Variants in ZIC4 observed in about 807,000 individuals in gnomAD.
ZIC4 encodes Zic family zinc finger 4.
In ZIC4, 15 loss-of-function variants were observed where a neutral mutation model predicts 28.8. That is an observed-to-expected ratio of 0.52 (90% CI 0.35 to 0.80). ZIC4 has a LOEUF of 0.80. Ranked by LOEUF, ZIC4 falls within the 30% of genes least tolerant of loss-of-function variation. The pLI, the probability that ZIC4 is intolerant of heterozygous loss-of-function variation, is 0.01. For synonymous variants in ZIC4, 220 were observed against 198.1 expected (o/e 1.11, Z -0.93); for missense variants, 512 against 467.1 (o/e 1.10, Z -0.89).
intron 2 of ZIC4, among the ~76,000 whole-genome samples, chr3:147,398,581 G>C (rs1559963766): frequency 6.6e-6 from 1 of 152,128 alleles, no homozygotes. Flanking sequence ...CAGCTGCGTC[G>C]TCCGGCGATT....
rs777057850 is a variant in ZIC4 at position 147,391,908 on chromosome 3, C to T, written c.689-662G>A. Reference sequence around the variant, plus strand: ...GAAGAGATTTTTACAGGAATGGAGCCCCCTCCCTCTTTCCTTCTACCCCCT... The same window carrying T: ...GAAGAGATTTTTACAGGAATGGAGCTCCCTCCCTCTTTCCTTCTACCCCCT... On this transcript the variant is annotated intron_variant, in intron 3 of 4. Transcript: ENST00000383075. 1,182 of 916,720 alleles carry T rather than the reference C, an allele frequency of 1.3e-3. 3 individuals carry two copies. Among genetic ancestry groups the T allele is most frequent in the Non-Finnish European group, 1.5e-3 (1,113 of 767,392 alleles). 56.8% of individuals were successfully genotyped at this position (916,720 alleles called of 1,614,324 possible).
chr3:147,392,548 T>C (rs956661548), intron 3 of ZIC4: 69 of 596,168 alleles, frequency 1.2e-4, no homozygotes, highest in Admixed American at 8.2e-4. Flanking sequence ...TTTAAACAAA[T>C]GGCTGCCTCC....
rs2086850614 is a variant in ZIC4 at position 147,388,978 on chromosome 3, GA to G, written c.*-120del. ...GGGGAGCTTAGAAACAGAAGACAAA[GA>G]AAAAAGTCCTACTTCAGGAAGGGGG... On this transcript the variant is annotated intron_variant, in intron 4 of 4. Transcript: ENST00000383075. The G allele has an allele frequency of 3.3e-5, 23 of 690,230 alleles. No homozygotes were observed. In the South Asian group the frequency reaches 3.6e-4, roughly 11 times the overall value. 42.8% of individuals were successfully genotyped at this position (690,230 alleles called of 1,614,324 possible). A position where few individuals can be genotyped will look rare whatever the true frequency, so the allele number is the denominator to read the frequency against.
chr3:147,391,652 A>C (rs1237935963), intron 3 of ZIC4: 1 of 163,628 alleles, frequency 6.1e-6, no homozygotes, highest in East Asian at 1.8e-4. Flanking sequence ...GGAAGCTCAC[A>C]TCTGCTCGAT....
chr3:147,402,667 A>AAAG (rs769370243), intron 2 of ZIC4, 61 bp downstream of exon 2: 31 of 1,456,060 alleles, frequency 2.1e-5, no homozygotes, highest in East Asian at 1.6e-4. Context: ...TAAAAAAAAA[A>AAAG]AAGAAGAAGA....
chr3:147,404,047 A>G, intron 1 of ZIC4: 4 of 1,537,184 alleles, frequency 2.6e-6, no homozygotes, highest in Non-Finnish European at 3.5e-6. Context: ...CTTCCAGCAC[A>G]AATCAGGAAA....
rs1230596398 is a variant in ZIC4, at chr3:147,388,094, C to T, written c.*765G>A. 1.3e-5 allele frequency: 2 copies of T among 152,552 alleles called. No homozygotes were observed. The highest frequency in any genetic ancestry group is 1.5e-5 in the Non-Finnish European group (1 of 68,052). 9.4% of individuals were successfully genotyped at this position (152,552 alleles called of 1,614,324 possible). ...TCCCACATCAGGGTGCAGAGTGAACCCCTAAACGTGGGCAAGTCGGGTTCT... is the reference window on the plus strand; with the variant it reads ...TCCCACATCAGGGTGCAGAGTGAACTCCTAAACGTGGGCAAGTCGGGTTCT... On this transcript the variant is annotated 3_prime_UTR_variant, in exon 5 of 5. Transcript: ENST00000383075.
chr3:147,405,367 C>T (rs1253790673), intron 1 of ZIC4: 1 of 1,534,764 alleles, frequency 6.5e-7, no homozygotes, highest in East Asian at 2.4e-5. Flanking sequence ...GCGGGGAAAA[C>T]ATGACCTTGG....
Position 147,388,768 on chromosome 3 carries a change from T to C in ZIC4, c.*91A>G, listed in dbSNP as rs931689813. Reference sequence around the variant, plus strand: ...ATGCACCGTGGCGAAGAAACACTGCTTTGTGCGCGGGCCCTTTGATGTAGC... The same window carrying C: ...ATGCACCGTGGCGAAGAAACACTGCCTTGTGCGCGGGCCCTTTGATGTAGC... On this transcript the variant is annotated 3_prime_UTR_variant, in exon 5 of 5. Transcript: ENST00000383075. 51 of 747,136 alleles carry C rather than the reference T, an allele frequency of 6.8e-5. No individual in the cohort carries two copies. The highest frequency in any genetic ancestry group is 6.9e-5 in the Non-Finnish European group (28 of 405,264). The allele number at this position is 747,136 out of a possible 1,614,324, so 46.3% of individuals were successfully genotyped here.
At position 147,388,663 on chromosome 3, in the gene ZIC4, C is replaced by T. The variant is rs2086842921; in HGVS notation, c.*196G>A. On this transcript the variant is annotated 3_prime_UTR_variant, in exon 5 of 5. Transcript: ENST00000383075. ...AAATATTATGTCCTTAATGAAAAGC[C>T]TGGACGGGCTCCAGGCTTGGCCTTT... 3 of 581,242 alleles carry T rather than the reference C, an allele frequency of 5.2e-6. No homozygotes were observed. The highest frequency in any genetic ancestry group is 9.3e-6 in the Non-Finnish European group (3 of 323,256). 36.0% of individuals were successfully genotyped at this position (581,242 alleles called of 1,614,324 possible). A position where few individuals can be genotyped will look rare whatever the true frequency, so the allele number is the denominator to read the frequency against.
chr3:147,404,406 A>C, intron 1 of ZIC4: 1 of 625,976 alleles, frequency 1.6e-6, no homozygotes, highest in South Asian at 6.1e-5. Flanking sequence ...TTTCCATCAC[A>C]CAGCCTACAC....
In ZIC4 at chr3:147,396,376, G is replaced by A. The variant is rs777969725; in HGVS notation, c.164C>T (p.Pro55Leu). The change falls in exon 3 of 5, where the codon CCC becomes CTC. Residue 55 changes from proline to leucine, a missense_variant. Pro to Leu is a moderately conservative substitution (Grantham distance 98). Transcript: ENST00000383075. This position sits in a 1 kb window ranked among gnomAD's most constrained non-coding sequence, Gnocchi z 4.2. ...GLHEEPPQAS[P>L]SRPLNGLLRL... ...CAGGAGTCCATTCAAAGGACGGCTG[G>A]GGGAGGCCTGGGGAGGCTCCTCGTG... is the stretch of plus-strand genomic sequence containing the variant. The A allele has an allele frequency of 6.5e-7, 1 of 1,531,010 alleles. No individual in the cohort carries two copies. The highest frequency in any genetic ancestry group is 1.3e-5 in the South Asian group (1 of 76,252). The allele number at this position is 1,531,010 out of a possible 1,614,324, so 94.8% of individuals were successfully genotyped here.
chr3:147,404,317 G>T (rs1440571028), intron 1 of ZIC4: 1 of 1,346,882 alleles, frequency 7.4e-7, no homozygotes, highest in African/African-American at 1.5e-5. Flanking sequence ...GTGCACTACA[G>T]ACCCATAGAC....
Position 147,391,069 on chromosome 3 carries a change from C to T in ZIC4, c.866G>A (p.Gly289Glu), listed in dbSNP as rs780784803. The stretch of plus-strand genomic sequence containing the variant: ...GCCAGAGCTGGGCGGCGGCGAGCGC[C>T]CGTGCACCTTCATGTGCTTACGCAG... ...SSLRKHMKVH[G>E]RSPPPSSGYD... Residue 289 changes from glycine to glutamate, a missense_variant, in exon 4 of 5, where the codon GGG (glycine) becomes GAG (glutamate). By Grantham distance (98) the Gly-to-Glu change is moderately conservative (BLOSUM62 -2). Coordinates refer to ENST00000383075, the MANE Select transcript of ZIC4 (RefSeq NM_032153.6). 9.9e-6 allele frequency: 16 copies of T among 1,613,984 alleles called. No individual in the cohort carries two copies. Among genetic ancestry groups the T allele is most frequent in the Non-Finnish European group, 1.4e-5 (16 of 1,180,036 alleles).
At chr3:147,405,742 G>A (rs563426472) in intron 1 of ZIC4, 3 of 521,672 alleles carry the variant, frequency 5.8e-6, no homozygotes, top group South Asian at 4.2e-5. Flanking sequence ...CAGGGTGAGG[G>A]AGGGCAAGGA....
rs1196683432 is a variant in ZIC4, at chr3:147,396,881, AATG to A, written c.71-415_71-413del. ...CCCTGCGGGGAGTGGAGGTGACAGA[AATG>A]ATGATGTTGGAGGTGGTGGTGGTTC... On this transcript the variant is annotated intron_variant, in intron 2 of 4. Transcript: ENST00000383075. The surrounding 1 kb of genome is among the most constrained non-coding windows in gnomAD (Gnocchi z 4.2). 2 of 165,022 alleles carry A rather than the reference AATG, an allele frequency of 1.2e-5. No homozygotes were observed. Among genetic ancestry groups the A allele is most frequent in the African/African-American group, 4.8e-5 (2 of 41,820 alleles). 10.2% of individuals were successfully genotyped at this position (165,022 alleles called of 1,614,324 possible).
At position 147,398,894 on chromosome 3, in the gene ZIC4, T is replaced by A. The variant is rs553286717; in HGVS notation, c.71-2425A>T. The stretch of plus-strand genomic sequence containing the variant: ...AATAAGGCCTTAAAAAATTTTTTTT[T>A]AAAATAATTAACTGATGTATAACAG... On this transcript the variant is annotated intron_variant, in intron 2 of 4. Transcript: ENST00000383075. Among the ~76,000 whole-genome samples the A allele has an allele frequency of 4.8e-4, 73 of 152,180 alleles. 1 individual carries two copies. The highest frequency in any genetic ancestry group is 1.9e-3 in the South Asian group (9 of 4,812).
chr3:147,402,101 C>T lies in ZIC4; in HGVS notation c.70+627G>A, dbSNP rs148948087. Among the ~76,000 whole-genome samples the T allele has an allele frequency of 8.2e-3, 1,253 of 152,242 alleles. 9 individuals are homozygous for T. Among genetic ancestry groups the T allele is most frequent in the Non-Finnish European group, 0.013 (911 of 68,024 alleles). On this transcript the variant is annotated intron_variant, in intron 2 of 4. Coordinates refer to ENST00000383075, the MANE Select transcript of ZIC4 (RefSeq NM_032153.6). ...TATAGTTGAAATGAGGAAAACTAGA[C>T]GCCTGGAAGGGAAAATACCACCCTA... is the stretch of plus-strand genomic sequence containing the variant.
intron 1 of ZIC4, chr3:147,404,335 C>T: frequency 3.2e-5 from 41 of 1,297,932 alleles, no homozygotes; most frequent in Non-Finnish European, 3.9e-5. Flanking sequence ...GACATGCAAA[C>T]AAATATTGCA....
Sources: allele counts gnomAD v4.1 joint callset (sites outside exome capture counted in the v4.1 genomes callset), GRCh38; gene constraint gnomAD v4.1.1; non-coding constraint Gnocchi (gnomAD v3.1); transcripts MANE v1.5; gene names NCBI Gene and HGNC (gene_info 2026-07-23, HGNC 2026-07-21).